The following CHLSN variants were observed in gnomAD, a reference collection of about 807,000 sequenced individuals.
CHLSN encodes cholesin, also known as protein cholesin.
the CHLSN span, among the ~76,000 whole-genome samples, chr7:1,119,896 T>C: frequency 1.4e-5 from 2 of 145,954 alleles, no homozygotes; most frequent in African/African-American, 5.0e-5. Flanking sequence ...AAAAGGGGGA[T>C]AGAATGCTCA....
the CHLSN span, among the ~76,000 whole-genome samples, chr7:1,005,779 C>T: frequency 5.0e-4 from 76 of 152,350 alleles, no homozygotes; most frequent in African/African-American, 1.8e-3. Flanking sequence ...TGCTCTCGTC[C>T]TCCCGCAGGT....
At chr7:1,083,378 A>G in the CHLSN span, among the ~76,000 whole-genome samples, 2 of 152,076 alleles carry the variant, frequency 1.3e-5, no homozygotes, top group Non-Finnish European at 2.9e-5. Context: ...TAATCCCAGC[A>G]CTTTGGGAGG....
the CHLSN span, among the ~76,000 whole-genome samples, chr7:983,600 T>C: frequency 1.3e-5 from 2 of 152,110 alleles, no homozygotes; most frequent in African/African-American, 2.4e-5. Flanking sequence ...GAAGAAGCCC[T>C]GGAGGTGCCA....
the CHLSN span, chr7:1,028,790 C>A: frequency 1.1e-6 from 1 of 888,010 alleles, no homozygotes; most frequent in Non-Finnish European, 1.3e-6. Context: ...CCATCTGTCC[C>A]TATCGCTCCC....
At chr7:1,029,828 G>T in the CHLSN span, among the ~76,000 whole-genome samples, 3 of 152,230 alleles carry the variant, frequency 2.0e-5, no homozygotes, top group Non-Finnish European at 4.4e-5. Context: ...TTTCCTCCTA[G>T]CTGTTTCACC....
the CHLSN span, among the ~76,000 whole-genome samples, chr7:1,015,719 C>A: frequency 2.6e-5 from 4 of 152,166 alleles, no homozygotes; most frequent in African/African-American, 9.7e-5. Flanking sequence ...ACTGAAGCTG[C>A]GGCCTGTGGG....
chr7:1,028,348 A>G, the CHLSN span: 1 of 1,014,490 alleles, frequency 9.9e-7, no homozygotes, highest in Non-Finnish European at 1.2e-6. Flanking sequence ...CGCCTCCAGC[A>G]GCCTCAGCGC....
chr7:1,072,666 C>A, the CHLSN span, among the ~76,000 whole-genome samples: 155 of 138,350 alleles, frequency 1.1e-3, no homozygotes, highest in Middle Eastern at 0.012. Context: ...GAGTCAATTT[C>A]TTTTCTTTCC....
At chr7:1,070,613 TGCACACAC>T in the CHLSN span, among the ~76,000 whole-genome samples, 2 of 122,732 alleles carry the variant, frequency 1.6e-5, no homozygotes, top group East Asian at 4.9e-4. Flanking sequence ...CACACATGCA[TGCACACAC>T]GCACACAACA....
the CHLSN span, among the ~76,000 whole-genome samples, chr7:1,017,103 G>A: frequency 6.6e-6 from 1 of 152,236 alleles, no homozygotes; most frequent in African/African-American, 2.4e-5. Context: ...CCACTCGGAA[G>A]CCTTGGTCTG....
the CHLSN span, among the ~76,000 whole-genome samples, chr7:1,020,336 C>T: frequency 1.3e-5 from 2 of 152,132 alleles, no homozygotes; most frequent in African/African-American, 4.8e-5. Context: ...CCCAGCACGC[C>T]CACCAAAGGG....
the CHLSN span, among the ~76,000 whole-genome samples, chr7:1,023,678 C>CACACACACACACACACACACACA: frequency 2.1e-5 from 3 of 144,436 alleles, no homozygotes; most frequent in Admixed American, 7.0e-5. The surrounding 1 kb of genome is among the most constrained non-coding windows in gnomAD (Gnocchi z 5.0). Context: ...CACACACACA[C>CACACACACACACACACACACACA]CAGCAACGCG....
the CHLSN span, among the ~76,000 whole-genome samples, chr7:987,932 C>G: frequency 7.6e-6 from 1 of 132,028 alleles, no homozygotes; most frequent in Non-Finnish European, 1.6e-5. Flanking sequence ...CCTGTGTGTC[C>G]TGGGGGGGTC....
At chr7:1,037,432 G>A in the CHLSN span, among the ~76,000 whole-genome samples, 15 of 123,346 alleles carry the variant, frequency 1.2e-4, 1 homozygote, top group Admixed American at 1.1e-3. Flanking sequence ...TTTTGGTGGA[G>A]ACGGGGTTTC....
At chr7:1,104,142 A>G in the CHLSN span, among the ~76,000 whole-genome samples, 1 of 152,248 alleles carries the variant, frequency 6.6e-6, no homozygotes, top group Non-Finnish European at 1.5e-5. Flanking sequence ...GGTGGCAGCT[A>G]TGCTGAGTCC....
At chr7:1,097,032 G>T in the CHLSN span, among the ~76,000 whole-genome samples, 1 of 152,232 alleles carries the variant, frequency 6.6e-6, no homozygotes, top group East Asian at 1.9e-4. This position sits in a 1 kb window ranked among gnomAD's most constrained non-coding sequence, Gnocchi z 4.3. Flanking sequence ...CCCAGCAGAG[G>T]CGGGAGACAG....
chr7:1,131,083 C>G, the CHLSN span, among the ~76,000 whole-genome samples: 1 of 151,028 alleles, frequency 6.6e-6, no homozygotes, highest in Admixed American at 6.6e-5. Context: ...CCCAGCTACT[C>G]AGGAGGTAGA....
At chr7:1,072,732 A>G in the CHLSN span, among the ~76,000 whole-genome samples, 1 of 132,794 alleles carries the variant, frequency 7.5e-6, no homozygotes. Flanking sequence ...TGCCCAGGCT[A>G]GAGTGCAGTG....
chr7:1,010,313 G>C, the CHLSN span, among the ~76,000 whole-genome samples: 1 of 152,102 alleles, frequency 6.6e-6, no homozygotes, highest in Non-Finnish European at 1.5e-5. Flanking sequence ...GTGCTACGAC[G>C]AAGAGACAGA....
Sources: allele counts gnomAD v4.1 joint callset (sites outside exome capture counted in the v4.1 genomes callset), GRCh38; gene constraint gnomAD v4.1.1; non-coding constraint Gnocchi (gnomAD v3.1); transcripts MANE v1.5; gene names NCBI Gene and HGNC (gene_info 2026-07-23, HGNC 2026-07-21).